The following GRID1 variants were observed in gnomAD, a reference collection of about 807,000 sequenced individuals.
GRID1 encodes the protein glutamate receptor ionotropic, delta-1.
Under a neutral mutation model 98.0 loss-of-function variants are expected in GRID1, and 28 were observed. The observed-to-expected ratio is 0.29, with a 90% CI of 0.21 to 0.39. GRID1 has a LOEUF of 0.39. Ranked by LOEUF, GRID1 falls within the 10% of genes least tolerant of loss-of-function variation. The pLI is 1.00. For missense variants in GRID1, 1,111 were observed against 1,340.5 expected (o/e 0.83, Z 2.67); for synonymous variants, 553 against 538.5 (o/e 1.03, Z -0.37).
chr10:85,945,651 C>A (rs761896467), intron 4 of GRID1, among the ~76,000 whole-genome samples: 1 of 152,216 alleles, frequency 6.6e-6, no homozygotes, highest in Non-Finnish European at 1.5e-5. Context: ...ACCCTTCACT[C>A]TGAAAAGTTC....
At chr10:86,063,331 A>G (rs1843674399) in intron 4 of GRID1, among the ~76,000 whole-genome samples, 1 of 152,238 alleles carries the variant, frequency 6.6e-6, no homozygotes. Context: ...GCTGGGAAGC[A>G]TAAAGGAGCT....
intron 2 of GRID1, among the ~76,000 whole-genome samples, chr10:86,334,871 C>A (rs1469772121): frequency 6.6e-6 from 1 of 152,220 alleles, no homozygotes; most frequent in Non-Finnish European, 1.5e-5. Flanking sequence ...AAATCCACTG[C>A]CATCTCCTGG....
chr10:85,832,159 AT>A (rs1842872723), intron 8 of GRID1, among the ~76,000 whole-genome samples: 2 of 152,172 alleles, frequency 1.3e-5, no homozygotes, highest in Non-Finnish European at 2.9e-5. Flanking sequence ...ATCTAAATGT[AT>A]ATACTAGCAT....
intron 4 of GRID1, among the ~76,000 whole-genome samples, chr10:86,049,536 G>C (rs138959815): frequency 2.0e-5 from 3 of 152,350 alleles, no homozygotes; most frequent in African/African-American, 7.2e-5. Flanking sequence ...ACACCAGGAA[G>C]AGACGTGCTT....
At chr10:86,241,747 A>G (rs1450289491) in intron 2 of GRID1, among the ~76,000 whole-genome samples, 4 of 152,222 alleles carry the variant, frequency 2.6e-5, no homozygotes, top group African/African-American at 9.6e-5. Flanking sequence ...GTTCCTACTC[A>G]AAGTCCTGCT....
chr10:86,229,471 C>A (rs1846413813), intron 2 of GRID1, among the ~76,000 whole-genome samples: 1 of 152,204 alleles, frequency 6.6e-6, no homozygotes, highest in Non-Finnish European at 1.5e-5. Context: ...CTAATAATAG[C>A]CCCGCCTCAC....
At chr10:85,608,805 C>A (rs1336358479) in intron 15 of GRID1, among the ~76,000 whole-genome samples, 1 of 152,164 alleles carries the variant, frequency 6.6e-6, no homozygotes, top group Non-Finnish European at 1.5e-5. Context: ...AGATACACAG[C>A]GGTGTATGGT....
intron 8 of GRID1, among the ~76,000 whole-genome samples, chr10:85,792,658 C>G (rs551734941): frequency 6.1e-4 from 93 of 152,302 alleles, no homozygotes; most frequent in African/African-American, 2.2e-3. Context: ...TCCAAGCACC[C>G]AGATCCATGG....
At chr10:85,819,759 C>A (rs1842745837) in intron 8 of GRID1, among the ~76,000 whole-genome samples, 1 of 151,840 alleles carries the variant, frequency 6.6e-6, no homozygotes, top group African/African-American at 2.4e-5. Context: ...ACTAAAAATA[C>A]AAAAATTAGC....
chr10:85,938,361 T>C (rs1377639037), intron 4 of GRID1, among the ~76,000 whole-genome samples: 11 of 152,236 alleles, frequency 7.2e-5, no homozygotes, highest in South Asian at 4.1e-4. Flanking sequence ...ACTCTTGCCC[T>C]GACTTTCAAT....
chr10:86,230,944 G>A (rs1846441937), intron 2 of GRID1, among the ~76,000 whole-genome samples: 1 of 152,202 alleles, frequency 6.6e-6, no homozygotes, highest in Admixed American at 6.5e-5. Flanking sequence ...GGCAGTGACA[G>A]GCCCAAGTGG....
At chr10:85,816,736 G>A (rs767447563) in intron 8 of GRID1, among the ~76,000 whole-genome samples, 8 of 150,192 alleles carry the variant, frequency 5.3e-5, no homozygotes, top group Non-Finnish European at 8.9e-5. Flanking sequence ...GGGTGTACAT[G>A]TGCAGGTTTG....
At chr10:85,759,039 TA>T (rs1261636033) in intron 8 of GRID1, among the ~76,000 whole-genome samples, 1 of 152,216 alleles carries the variant, frequency 6.6e-6, no homozygotes, top group Non-Finnish European at 1.5e-5. Context: ...GTAAAGTGTT[TA>T]AAACCATGCC....
At chr10:86,153,727 G>A (rs921829514) in intron 3 of GRID1, among the ~76,000 whole-genome samples, 9 of 152,046 alleles carry the variant, frequency 5.9e-5, no homozygotes, top group African/African-American at 9.7e-5. Context: ...ACAGAGCCCC[G>A]CCACCAAAAC....
chr10:85,798,642 T>C (rs1842546709), intron 8 of GRID1, among the ~76,000 whole-genome samples: 1 of 152,180 alleles, frequency 6.6e-6, no homozygotes, highest in Non-Finnish European at 1.5e-5. Flanking sequence ...ATATACATAC[T>C]GTCTCTTTGC....
chr10:85,783,150 T>C (rs1842395497), intron 8 of GRID1, among the ~76,000 whole-genome samples: 1 of 152,202 alleles, frequency 6.6e-6, no homozygotes, highest in African/African-American at 2.4e-5. Context: ...AAACTGTTTT[T>C]GGCATTGTAA....
At chr10:85,730,801 G>T (rs148235050) in intron 8 of GRID1, among the ~76,000 whole-genome samples, 92 of 152,272 alleles carry the variant, frequency 6.0e-4, no homozygotes, top group African/African-American at 2.1e-3. Flanking sequence ...GATTTTGTAT[G>T]CACTTTCTGA....
chr10:86,020,516 T>C (rs928858235), intron 4 of GRID1, among the ~76,000 whole-genome samples: 4 of 152,256 alleles, frequency 2.6e-5, no homozygotes, highest in Non-Finnish European at 5.9e-5. Flanking sequence ...TACTGCTTAT[T>C]TGCTCAGTGA....
At chr10:86,363,080 AG>A (rs1848622056) in intron 2 of GRID1, among the ~76,000 whole-genome samples, 2 of 152,258 alleles carry the variant, frequency 1.3e-5, no homozygotes, top group South Asian at 4.1e-4. Context: ...AGGAATCTGG[AG>A]GCTTGGAGAA....
Sources: allele counts gnomAD v4.1 joint callset (sites outside exome capture counted in the v4.1 genomes callset), GRCh38; gene constraint gnomAD v4.1.1; transcripts MANE v1.5; gene names NCBI Gene and HGNC (gene_info 2026-07-23, HGNC 2026-07-21).